Variants in MKI67 observed in about 807,000 individuals in gnomAD.
MKI67 encodes the protein marker of proliferation Ki-67, also known as proliferation marker protein Ki-67.
Under a neutral mutation model 233.5 loss-of-function variants are expected in MKI67, and 152 were observed. The ratio of observed to expected loss-of-function variants is 0.65; its 90% CI spans 0.57 to 0.74. MKI67 has a LOEUF of 0.74. MKI67 is among the 30% of genes least tolerant of loss of function. The pLI, the probability that MKI67 is intolerant of heterozygous loss-of-function variation, is 0.00. For synonymous variants in MKI67, 1,465 were observed against 1,418.5 expected (o/e 1.03, Z -0.74); for missense variants, 3,940 against 3,885.2 (o/e 1.01, Z -0.37).
rs1852238891 is a variant in MKI67 at position 128,097,611 on chromosome 10, C to T, written c.*1579G>A. ...AGAACAACTTGATCATAGCAACATTCCTACTGAAAGTTTTGAGGTTGGCCT... is the reference window on the plus strand; with the variant it reads ...AGAACAACTTGATCATAGCAACATTTCTACTGAAAGTTTTGAGGTTGGCCT... On this transcript the variant is annotated 3_prime_UTR_variant, in exon 15 of 15. Coordinates refer to ENST00000368654, the MANE Select transcript of MKI67 (RefSeq NM_002417.5). 1 of 152,120 alleles carries T rather than the reference C, an allele frequency of 6.6e-6. No homozygotes were observed. Among genetic ancestry groups the T allele is most frequent in the Non-Finnish European group, 1.5e-5 (1 of 68,028 alleles). The allele number at this position is 152,120 out of a possible 1,614,324, so 9.4% of individuals were successfully genotyped here.
chr10:128,109,968 C>T (rs1260429767), intron 12 of MKI67, among the ~76,000 whole-genome samples: 1 of 152,200 alleles, frequency 6.6e-6, no homozygotes, highest in Non-Finnish European at 1.5e-5. Flanking sequence ...CCCGGGCCTG[C>T]TCCCACCTAA....
rs1675085351 is a variant in MKI67 at position 128,104,834 on chromosome 10, T to C, written c.7006A>G (p.Lys2336Glu). 1 of 1,612,566 alleles carries C rather than the reference T, an allele frequency of 6.2e-7. No individual in the cohort carries two copies. The highest frequency in any genetic ancestry group is 1.1e-5 in the South Asian group (1 of 91,010). The stretch of plus-strand genomic sequence containing the variant: ...GATTTGCAGGCTATTTTGGTAGTTT[T>C]CTCATCAGTCGTGGGCTTGTCAGTG... The part of the protein sequence containing the change: ...PGTDKPTTDE[K>E]TTKIACKSPQ... The change falls in exon 13 of 15, where the codon AAA (lysine) becomes GAA (glutamate). Residue 2336 changes from lysine (K) to glutamate (E), a missense_variant. By Grantham distance (56) the Lys-to-Glu change is moderately conservative. Transcript: ENST00000368654.
At chr10:128,124,800 G>GGGA (rs1199178998) in intron 2 of MKI67, among the ~76,000 whole-genome samples, 1 of 152,162 alleles carries the variant, frequency 6.6e-6, no homozygotes. Flanking sequence ...CTTGAGGAAG[G>GGGA]GGAGAACTTT....
At chr10:128,101,035 C>T (rs57048355) in intron 14 of MKI67, among the ~76,000 whole-genome samples, 3,297 of 152,262 alleles carry the variant, frequency 0.022, 127 homozygotes, top group African/African-American at 0.075. Context: ...GTCTTCATAA[C>T]GTGAATTTGC....
At position 128,104,533 on chromosome 10, in the gene MKI67, TC is replaced by T. The variant is rs2136129326; in HGVS notation, c.7306del (p.Asp2436ThrfsTer19). 1.2e-6 allele frequency: 2 copies of T among 1,614,122 alleles called. No homozygotes were observed. Among genetic ancestry groups the T allele is most frequent in the Non-Finnish European group, 1.7e-6 (2 of 1,180,026 alleles). ...TPKEKAEALEDLVGFKELFQT... is the reference protein window; with the variant it reads ...TPKEKAEALEXLVGFKELFQT... ...GAAGAGTTCTTTGAAGCCAACCAGG[TC>T]CTCTAGAGCCTCAGCCTTTTCCTTA... On this transcript the variant is annotated frameshift_variant, in exon 13 of 15. Coordinates refer to ENST00000368654, the MANE Select transcript of MKI67 (RefSeq NM_002417.5). LOFTEE classifies it high-confidence loss of function.
At chr10:128,117,114 G>A (rs1319617112) in intron 5 of MKI67, among the ~76,000 whole-genome samples, 1 of 152,228 alleles carries the variant, frequency 6.6e-6, no homozygotes, top group Non-Finnish European at 1.5e-5. Context: ...AAACCTCGGT[G>A]TGTTTTTATA....
intron 11 of MKI67, 133 bp from the exon 12 acceptor site, chr10:128,110,666 C>A: frequency 3.5e-6 from 2 of 576,524 alleles, no homozygotes; most frequent in Non-Finnish European, 5.9e-6. Context: ...GGTACATAGG[C>A]CTCATAAAAA....
In MKI67 at chr10:128,101,315, G is replaced by A. The variant is rs1852328328; in HGVS notation, c.9648C>T (p.Ser3216=). 1.9e-6 allele frequency: 3 copies of A among 1,614,152 alleles called. No homozygotes were observed. The highest frequency in any genetic ancestry group is 1.7e-6 in the Non-Finnish European group (2 of 1,180,000). Residue 3216 remains serine, a synonymous_variant, in exon 14 of 15, where the codon AGC becomes AGT. Transcript: ENST00000368654. ...TCCGCGTTACTCTCTGCACAGATTTGCTCTCCAAAGTGCTTGCTGCAGGCT... is the reference window on the plus strand; with the variant it reads ...TCCGCGTTACTCTCTGCACAGATTTACTCTCCAAAGTGCTTGCTGCAGGCT... ...KSQPAASTLE[S]KSVQRVTRSV...
At chr10:128,119,672 G>A (rs1852890921) in intron 4 of MKI67, among the ~76,000 whole-genome samples, 1 of 152,198 alleles carries the variant, frequency 6.6e-6, no homozygotes, top group Non-Finnish European at 1.5e-5. Flanking sequence ...TAAGTCCATG[G>A]AAATCATCGG....
Position 128,103,785 on chromosome 10 carries a change from G to T in MKI67, c.8055C>A (p.Leu2685=). 2 of 1,613,306 alleles carry T rather than the reference G, an allele frequency of 1.2e-6. No individual in the cohort carries two copies. The highest frequency in any genetic ancestry group is 1.7e-6 in the Non-Finnish European group (2 of 1,179,858). The part of the protein sequence containing the change: ...PLEDLAGFTE[L]SETSGHTQES... The stretch of plus-strand genomic sequence containing the variant: ...CCTGAGTGTGACCTGATGTTTCAGA[G>T]AGCTCTGTGAAGCCGGCCAGGTCTT... Residue 2685 remains leucine, a synonymous_variant, in exon 13 of 15, where the codon CTC becomes CTA. Coordinates refer to ENST00000368654, the MANE Select transcript of MKI67 (RefSeq NM_002417.5).
Position 128,107,408 on chromosome 10 carries a change from C to T in MKI67, c.4432G>A (p.Val1478Ile), listed in dbSNP as rs1311170989. Residue 1478 changes from valine to isoleucine, a missense_variant, in exon 13 of 15, where the codon GTA (valine) becomes ATA (isoleucine). Transcript: ENST00000368654. ...TGAGTCGTGGGCTTGTCAGTGCATACTGGTGTCTGGAAGAGCTCTTTCAAG... is the reference window on the plus strand; with the variant it reads ...TGAGTCGTGGGCTTGTCAGTGCATATTGGTGTCTGGAAGAGCTCTTTCAAG... ...AGLKELFQTP[V>I]CTDKPTTHEK... is the part of the protein sequence containing the mutation. The T allele has an allele frequency of 1.1e-5, 17 of 1,613,564 alleles. No homozygotes were observed. Among genetic ancestry groups the T allele is most frequent in the African/African-American group, 1.3e-5 (1 of 74,744 alleles).
rs1852257156 is a variant in MKI67, at chr10:128,098,294, G to A, written c.*896C>T. On this transcript the variant is annotated 3_prime_UTR_variant, in exon 15 of 15. Transcript: ENST00000368654. ...AGTGCTCAGTCTCTCCAAGGATGAT[G>A]ATGCTTTACAGAGTACTGGTGTCAC... The A allele has an allele frequency of 6.6e-6, 1 of 152,236 alleles. No homozygotes were observed. The highest frequency in any genetic ancestry group is 2.4e-5 in the African/African-American group (1 of 41,436). The allele number at this position is 152,236 out of a possible 1,614,324, so 9.4% of individuals were successfully genotyped here. A position where few individuals can be genotyped will look rare whatever the true frequency, so the allele number is the denominator to read the frequency against.
At position 128,103,059 on chromosome 10, in the gene MKI67, T is replaced by C. The variant is rs1408696146; in HGVS notation, c.8781A>G (p.Thr2927=). Residue 2927 remains threonine, a synonymous_variant, in exon 13 of 15, where the codon ACA becomes ACG. Coordinates refer to ENST00000368654, the MANE Select transcript of MKI67 (RefSeq NM_002417.5). Reference sequence around the variant, plus strand: ...TTGCCAGTTCCTCAGTGTGGCCTGGTGTTTGAGAGAGCTCTTGGAAGCTGG... The same window carrying C: ...TTGCCAGTTCCTCAGTGTGGCCTGGCGTTTGAGAGAGCTCTTGGAAGCTGG... ...DLASFQELSQ[T]PGHTEELANG... is the part of the protein sequence containing the mutation. 6.2e-7 allele frequency: 1 copy of C among 1,614,230 alleles called. No individual in the cohort carries two copies. The highest frequency in any genetic ancestry group is 8.5e-7 in the Non-Finnish European group (1 of 1,180,046).
chr10:128,116,024 GA>G lies in MKI67; in HGVS notation c.401-18del. 3 of 1,546,620 alleles carry G rather than the reference GA, an allele frequency of 1.9e-6. No individual in the cohort carries two copies. The highest frequency in any genetic ancestry group is 2.6e-6 in the Non-Finnish European group (3 of 1,153,592). ...CTTTCTCATCTTGGCAATGAATTATGAAATAAGAAACAGAAGTTCAGCATTT... is the reference window on the plus strand; with the variant it reads ...CTTTCTCATCTTGGCAATGAATTATGAATAAGAAACAGAAGTTCAGCATTT... On this transcript the variant is annotated intron_variant, in intron 6 of 14. Transcript: ENST00000368654.
chr10:128,109,052 C>T lies in MKI67; in HGVS notation c.2788G>A (p.Glu930Lys). ...AATTCAATATTTTCCTTATATGTCT[C>T]AAAAGGTCTTTCTATTTCCTTCATC... is the stretch of plus-strand genomic sequence containing the variant. ...GEMKEIERPF[E>K]TYKENIELKE... The change falls in exon 13 of 15, where the codon GAG (glutamate) becomes AAG (lysine). Residue 930 changes from glutamate to lysine, a missense_variant. Transcript: ENST00000368654. The T allele has an allele frequency of 6.2e-7, 1 of 1,614,172 alleles. No individual in the cohort carries two copies. Among genetic ancestry groups the T allele is most frequent in the Admixed American group, 1.7e-5 (1 of 60,014 alleles).
rs1322638050 is a variant in MKI67 at position 128,105,956 on chromosome 10, G to C, written c.5884C>G (p.Gln1962Glu). ...GATTCCTCAGTGTGACCTGGTGTCT[G>C]GAAGAGCTCTTTGAAGCCAGCCAGA... ...EDLAGFKELFQTPGHTEESMT... is the reference protein window; with the variant it reads ...EDLAGFKELFETPGHTEESMT... The change falls in exon 13 of 15, where the codon CAG becomes GAG. Residue 1962 changes from glutamine to glutamate, a missense_variant. By Grantham distance (29) the Gln-to-Glu change is conservative (BLOSUM62 2). Transcript: ENST00000368654. 6.2e-6 allele frequency: 10 copies of C among 1,614,076 alleles called. No homozygotes were observed. Among genetic ancestry groups the C allele is most frequent in the Non-Finnish European group, 8.5e-6 (10 of 1,180,042 alleles).
Position 128,110,508 on chromosome 10 carries a change from T to G in MKI67, c.2286A>C (p.Pro762=). 1 of 1,564,220 alleles carries G rather than the reference T, an allele frequency of 6.4e-7. No homozygotes were observed. Among genetic ancestry groups the G allele is most frequent in the Non-Finnish European group, 8.8e-7 (1 of 1,142,526 alleles). Residue 762 remains proline, a synonymous_variant, in exon 12 of 15, where the codon CCA becomes CCC. Transcript: ENST00000368654. The stretch of plus-strand genomic sequence containing the variant: ...TTGTCAACTGCGGTTGCTCCTTCAC[T>G]GGGGTCTTGAACATTTCAGCTATTC... ...LSGIAEMFKT[P]VKEQPQLTST...
Position 128,125,724 on chromosome 10 carries a change from G to C in MKI67, c.-57C>G, listed in dbSNP as rs1355653679. ...GGGGAAGGCCAGGTATAATCCGTAG[G>C]GGAAGGCCAGAAGCAAATTTACAAC... On this transcript the variant is annotated 5_prime_UTR_variant, in exon 2 of 15. Coordinates refer to ENST00000368654, the MANE Select transcript of MKI67 (RefSeq NM_002417.5). This position sits in a 1 kb window ranked among gnomAD's most constrained non-coding sequence, Gnocchi z 5.3. The C allele has an allele frequency of 6.9e-7, 1 of 1,447,480 alleles. No homozygotes were observed. The highest frequency in any genetic ancestry group is 2.3e-5 in the East Asian group (1 of 44,078). The allele number at this position is 1,447,480 out of a possible 1,614,324, so 89.7% of individuals were successfully genotyped here.
chr10:128,112,112 G>A, intron 9 of MKI67, 21 bp downstream of exon 9: 7 of 1,610,814 alleles, frequency 4.3e-6, no homozygotes, highest in Admixed American at 1.7e-5. Flanking sequence ...CTTAATATAT[G>A]TATTCTAATG....
Sources: gnomAD v4.1 joint callset for allele counts (sites outside exome capture counted in the v4.1 genomes callset) on GRCh38, gnomAD v4.1.1 for gene constraint, Gnocchi (gnomAD v3.1) non-coding constraint, MANE v1.5 for transcripts, NCBI Gene and HGNC (gene_info 2026-07-23, HGNC 2026-07-21) for gene names.